TIGIT: variants seen among roughly 807,000 people sequenced by gnomAD.
TIGIT encodes T cell immunoreceptor with Ig and ITIM domains.
Under a neutral mutation model 19.6 loss-of-function variants are expected in TIGIT, and 11 were observed. That is an observed-to-expected ratio of 0.56 (90% CI 0.35 to 0.93). The LOEUF is 0.93. TIGIT is among the 40% of genes least tolerant of loss of function. The pLI, the probability that TIGIT is intolerant of heterozygous loss-of-function variation, is 0.01. For missense variants in TIGIT, 295 were observed against 303.9 expected (o/e 0.97, Z 0.22); for synonymous variants, 130 against 125.5 (o/e 1.04, Z -0.24).
chr3:114,303,630 T>TATACATATATATGTATATACACACACAC (rs1281900522), intron 3 of TIGIT, among the ~76,000 whole-genome samples: 1 of 115,894 alleles, frequency 8.6e-6, no homozygotes, highest in Non-Finnish European at 1.9e-5. Context: ...TGTATATATA[T>TATACATATATATGTATATACACACACAC]ACACACACAC....
At chr3:114,303,529 GTATATATATACACATATATA>G (rs2078507074) in intron 3 of TIGIT, among the ~76,000 whole-genome samples, 2 of 9,590 alleles carry the variant, frequency 2.1e-4, no homozygotes, top group Non-Finnish European at 8.8e-4. Flanking sequence ...ACATATATAT[GTATATATATACACATATATA>G]TGTATATATA....
At chr3:114,300,388 T>C (rs1051964030) in intron 3 of TIGIT, among the ~76,000 whole-genome samples, 1 of 150,072 alleles carries the variant, frequency 6.7e-6, no homozygotes, top group African/African-American at 2.5e-5. Flanking sequence ...AAAAAAAAAA[T>C]TGGTGGTAAA....
intron 3 of TIGIT, among the ~76,000 whole-genome samples, chr3:114,305,468 G>C (rs1353619512): frequency 6.6e-6 from 1 of 152,216 alleles, no homozygotes; most frequent in Non-Finnish European, 1.5e-5. Context: ...GCAGTATAGG[G>C]AGGGCTAAGG....
chr3:114,299,539 G>C (rs2078475824), intron 2 of TIGIT, 58 bp from the exon 3 acceptor site: 3 of 1,357,778 alleles, frequency 2.2e-6, no homozygotes, highest in Non-Finnish European at 3.2e-6. Flanking sequence ...GGCTGCCCTG[G>C]GGAAATCAGC....
intron 2 of TIGIT, among the ~76,000 whole-genome samples, chr3:114,296,731 G>A (rs1019054933): frequency 3.9e-5 from 6 of 152,172 alleles, no homozygotes; most frequent in African/African-American, 1.4e-4. Flanking sequence ...GAGTGGTAGA[G>A]CTGATTTTAA....
At chr3:114,306,780 GATTT>G (rs10534515) in intron 3 of TIGIT, among the ~76,000 whole-genome samples, 84,152 of 151,538 alleles carry the variant, frequency 0.56, 23,816 homozygotes, top group East Asian at 0.92. Flanking sequence ...TGAAATTATG[GATTT>G]TCTTCTTGGG....
chr3:114,299,527 C>T, intron 2 of TIGIT, 70 bp from the exon 3 acceptor site: 2 of 1,226,428 alleles, frequency 1.6e-6, no homozygotes, highest in Non-Finnish European at 2.4e-6. Context: ...CCGTGAAGCT[C>T]AGGCTGCCCT....
At chr3:114,304,545 C>A (rs1322422160) in intron 3 of TIGIT, among the ~76,000 whole-genome samples, 2 of 152,144 alleles carry the variant, frequency 1.3e-5, no homozygotes, top group Admixed American at 1.3e-4. Context: ...TTATGTTCTA[C>A]CCCCTACCAC....
In TIGIT at chr3:114,299,432, T is replaced by TG. The variant is rs112786574; in HGVS notation, c.392-163dup. On this transcript the variant is annotated intron_variant, in intron 2 of 3. Transcript: ENST00000383671. ...GTCATTGATTTCATGATGGGCCAGATGGATACTCTGCTGTTCAAAGTGTTG... is the reference window on the plus strand; with the variant it reads ...GTCATTGATTTCATGATGGGCCAGATGGGATACTCTGCTGTTCAAAGTGTTG... Among the ~76,000 whole-genome samples the TG allele has an allele frequency of 5.0e-4, 76 of 152,332 alleles. 2 individuals carry two copies. The highest frequency in any genetic ancestry group is 1.7e-3 in the African/African-American group (72 of 41,564).
At chr3:114,298,340 C>T (rs79607848) in intron 2 of TIGIT, among the ~76,000 whole-genome samples, 1,647 of 152,270 alleles carry the variant, frequency 0.011, 20 homozygotes, top group Non-Finnish European at 0.017. Flanking sequence ...AATTGTATCT[C>T]GAACTTATCC....
At position 114,310,275 on chromosome 3, in the gene TIGIT, A is replaced by G. The variant is rs954358444; in HGVS notation, c.*2144A>G. 1 of 152,212 alleles carries G rather than the reference A, an allele frequency of 6.6e-6. No homozygotes were observed. The highest frequency in any genetic ancestry group is 1.5e-5 in the Non-Finnish European group (1 of 68,038). 9.4% of individuals were successfully genotyped at this position (152,212 alleles called of 1,614,324 possible). On this transcript the variant is annotated 3_prime_UTR_variant, in exon 4 of 4. Coordinates refer to ENST00000383671, the MANE Select transcript of TIGIT (RefSeq NM_173799.4). Reference sequence around the variant, plus strand: ...TATTTTGGATGTATTGGGTGAAATAAAATATTAACATTAGTTTCATGCTTC... The same window carrying G: ...TATTTTGGATGTATTGGGTGAAATAGAATATTAACATTAGTTTCATGCTTC...
Position 114,294,049 on chromosome 3 carries a change from T to C in TIGIT, c.-13T>C. On this transcript the variant is annotated 5_prime_UTR_variant, in exon 1 of 4. Transcript: ENST00000383671. ...GGCCACATCTGCTTCCTGTAGGCCC[T>C]CTGGGCAGAAGCATGCGCTGGTGTC... The C allele has an allele frequency of 6.4e-7, 1 of 1,550,922 alleles. No individual in the cohort carries two copies. The highest frequency in any genetic ancestry group is 8.7e-7 in the Non-Finnish European group (1 of 1,146,020).
chr3:114,294,493 C>T (rs534352147), intron 1 of TIGIT, among the ~76,000 whole-genome samples: 2 of 152,252 alleles, frequency 1.3e-5, no homozygotes, highest in East Asian at 3.9e-4. Flanking sequence ...TCCAGGAAAA[C>T]ATTATAAGTT....
rs73856294 is a variant in TIGIT, at chr3:114,295,158, C to T, written c.62-387C>T. 8.0e-3 allele frequency: 1,813 copies of T among 227,142 alleles called. 41 individuals carry two copies. Among genetic ancestry groups the T allele is most frequent in the African/African-American group, 0.039 (1,709 of 43,610 alleles). 14.1% of individuals were successfully genotyped at this position (227,142 alleles called of 1,614,324 possible). A position where few individuals can be genotyped will look rare whatever the true frequency, so the allele number is the denominator to read the frequency against. On this transcript the variant is annotated intron_variant, in intron 1 of 3. Transcript: ENST00000383671. ...AGATGGGCTGAGGTCTTCTAGGAGG[C>T]GGGGAGGGAGTGCAGCCTTGACAAG...
At chr3:114,296,572 T>C (rs1426795564) in intron 2 of TIGIT, among the ~76,000 whole-genome samples, 1 of 152,230 alleles carries the variant, frequency 6.6e-6, no homozygotes, top group African/African-American at 2.4e-5. Context: ...TAAGACCTTA[T>C]GCGATGCTAA....
rs3085123 is a variant in TIGIT, at chr3:114,303,630, TAC to T, written c.498+3953_498+3954del. On this transcript the variant is annotated intron_variant, in intron 3 of 3. Coordinates refer to ENST00000383671, the MANE Select transcript of TIGIT (RefSeq NM_173799.4). ...ATATATACATATATATGTATATATATACACACACACACACACACACACACACA... is the reference window on the plus strand; with the variant it reads ...ATATATACATATATATGTATATATATACACACACACACACACACACACACA... 1.3e-3 allele frequency among the ~76,000 whole-genome samples: 146 copies of T among 115,752 alleles called. 1 individual carries two copies. The highest frequency in any genetic ancestry group is 4.5e-3 in the African/African-American group (141 of 31,216). The allele number at this position is 115,752 out of a possible 152,430, so 75.9% of individuals were successfully genotyped here.
rs1463306495 is a variant in TIGIT, at chr3:114,307,879, G to A, written c.499-16G>A. On this transcript the variant is annotated splice_polypyrimidine_tract_variant and intron_variant, in intron 3 of 3. Transcript: ENST00000383671. ...AACATCCCCACATACTCACTTTGTAGTTTGTTTGTTTTTAGAAGAAAGCCC... is the reference window on the plus strand; with the variant it reads ...AACATCCCCACATACTCACTTTGTAATTTGTTTGTTTTTAGAAGAAAGCCC... The A allele has an allele frequency of 6.2e-7, 1 of 1,610,090 alleles. No individual in the cohort carries two copies. The highest frequency in any genetic ancestry group is 8.5e-7 in the Non-Finnish European group (1 of 1,176,490).
Position 114,295,461 on chromosome 3 carries a change from C to T in TIGIT, c.62-84C>T, listed in dbSNP as rs112696866. ...TATCATTCCAAAATCCAGTTGGGGCCTCAAAGGCCCTTAGAATTTTTCTAG... is the reference window on the plus strand; with the variant it reads ...TATCATTCCAAAATCCAGTTGGGGCTTCAAAGGCCCTTAGAATTTTTCTAG... On this transcript the variant is annotated intron_variant, in intron 1 of 3. Coordinates refer to ENST00000383671, the MANE Select transcript of TIGIT (RefSeq NM_173799.4). 2.6e-4 allele frequency: 295 copies of T among 1,136,252 alleles called. No individual in the cohort carries two copies. The African/African-American group carries it at 3.8e-3, about 14-fold the overall frequency. 70.4% of individuals were successfully genotyped at this position (1,136,252 alleles called of 1,614,324 possible). A position where few individuals can be genotyped will look rare whatever the true frequency, so the allele number is the denominator to read the frequency against.
At position 114,309,857 on chromosome 3, in the gene TIGIT, T is replaced by G. The variant is rs1158306372; in HGVS notation, c.*1726T>G. On this transcript the variant is annotated 3_prime_UTR_variant, in exon 4 of 4. Transcript: ENST00000383671. ...AGGTTGGACTGAGAGTTGGGTGTTATTTAACATAATTATGGTAATTGGGAA... is the reference window on the plus strand; with the variant it reads ...AGGTTGGACTGAGAGTTGGGTGTTAGTTAACATAATTATGGTAATTGGGAA... 6.6e-6 allele frequency: 1 copy of G among 152,196 alleles called. No homozygotes were observed. The highest frequency in any genetic ancestry group is 2.4e-5 in the African/African-American group (1 of 41,448). 9.4% of individuals were successfully genotyped at this position (152,196 alleles called of 1,614,324 possible).
Sources: allele counts gnomAD v4.1 joint callset (sites outside exome capture counted in the v4.1 genomes callset), GRCh38; gene constraint gnomAD v4.1.1; transcripts MANE v1.5; gene names NCBI Gene and HGNC (gene_info 2026-07-23, HGNC 2026-07-21).